UNC5C: variants seen among roughly 807,000 people sequenced by gnomAD.
The protein encoded by UNC5C is netrin receptor UNC5C.
In UNC5C, 47 loss-of-function variants were observed where a neutral mutation model predicts 99.8. That is an observed-to-expected ratio of 0.47 (90% CI 0.37 to 0.60). UNC5C has a LOEUF of 0.60. Ranked by LOEUF, UNC5C falls within the 20% of genes least tolerant of loss-of-function variation. UNC5C has a pLI of 0.00. For missense variants in UNC5C, 1,062 were observed against 1,165.9 expected, an observed-to-expected ratio of 0.91 and a Z score of 1.30; for synonymous variants, 487 against 452.2, an observed-to-expected ratio of 1.08 and a Z score of -0.98.
At position 95,520,746 on chromosome 4, in the gene UNC5C, C is replaced by T. The variant is rs755564773; in HGVS notation, c.124+27988G>A. On this transcript the variant is annotated intron_variant, in intron 1 of 15. Coordinates refer to ENST00000453304, the MANE Select transcript of UNC5C (RefSeq NM_003728.4). ...CCCGAGTAGCTGGAACTACAGGTGCCGGCCACCACGCCCAGCTAATTTTTT... is the reference window on the plus strand; with the variant it reads ...CCCGAGTAGCTGGAACTACAGGTGCTGGCCACCACGCCCAGCTAATTTTTT... Among the ~76,000 whole-genome samples the T allele has an allele frequency of 2.6e-5, 4 of 151,648 alleles. No individual in the cohort carries two copies. In the South Asian group the frequency reaches 6.3e-4, roughly 24 times the overall value.
At chr4:95,264,816 G>C (rs1246378676) in intron 4 of UNC5C, among the ~76,000 whole-genome samples, 1 of 152,148 alleles carries the variant, frequency 6.6e-6, no homozygotes, top group Non-Finnish European at 1.5e-5. Context: ...ATGGCAAACA[G>C]CTCCACTGTC....
chr4:95,367,187 C>CTT (rs34534787), intron 1 of UNC5C, among the ~76,000 whole-genome samples: 21,262 of 138,856 alleles, frequency 0.15, 1,814 homozygotes, highest in Admixed American at 0.2. Context: ...TTCTCCCATT[C>CTT]TTTTTTTTTT....
intron 7 of UNC5C, among the ~76,000 whole-genome samples, chr4:95,227,431 G>A (rs1738741690): frequency 6.6e-6 from 1 of 152,154 alleles, no homozygotes. Flanking sequence ...GGGATTACAG[G>A]TGTGAGCCAT....
At chr4:95,287,591 C>T (rs1022190368) in intron 3 of UNC5C, among the ~76,000 whole-genome samples, 3 of 152,142 alleles carry the variant, frequency 2.0e-5, no homozygotes, top group African/African-American at 7.2e-5. Context: ...TGTGTCTATA[C>T]CTAACTGACC....
At chr4:95,530,019 A>G (rs576322251) in intron 1 of UNC5C, among the ~76,000 whole-genome samples, 247 of 152,284 alleles carry the variant, frequency 1.6e-3, no homozygotes, top group African/African-American at 5.8e-3. Flanking sequence ...CAACTTGCAT[A>G]TATATTTTTA....
chr4:95,463,020 G>T, intron 1 of UNC5C, among the ~76,000 whole-genome samples: 1 of 152,148 alleles, frequency 6.6e-6, no homozygotes, highest in East Asian at 1.9e-4. Flanking sequence ...ATGACCATTT[G>T]ATCTGTTTCT....
At chr4:95,282,957 G>C (rs1329100807) in intron 3 of UNC5C, among the ~76,000 whole-genome samples, 1 of 152,124 alleles carries the variant, frequency 6.6e-6, no homozygotes, top group East Asian at 1.9e-4. Flanking sequence ...TGGTCTTGGG[G>C]AAGAATGGAC....
intron 1 of UNC5C, among the ~76,000 whole-genome samples, chr4:95,542,533 A>T (rs1722945509): frequency 1.3e-5 from 2 of 152,056 alleles, no homozygotes; most frequent in South Asian, 4.2e-4. Context: ...GTAGAAGGGG[A>T]GGTATGTTTT....
At chr4:95,491,904 G>A (rs902545975) in intron 1 of UNC5C, among the ~76,000 whole-genome samples, 14 of 151,502 alleles carry the variant, frequency 9.2e-5, no homozygotes, top group African/African-American at 3.4e-4. Context: ...TTGTTTGGGA[G>A]CATCAAGGAC....
chr4:95,395,495 C>G (rs1255251767), intron 1 of UNC5C, among the ~76,000 whole-genome samples: 7 of 152,174 alleles, frequency 4.6e-5, no homozygotes, highest in Admixed American at 4.6e-4. Context: ...TAGTGTCCTC[C>G]TCCCAGACAC....
intron 1 of UNC5C, among the ~76,000 whole-genome samples, chr4:95,341,887 G>A (rs1430598327): frequency 2.0e-5 from 3 of 152,066 alleles, no homozygotes; most frequent in Non-Finnish European, 4.4e-5. Context: ...CTTTGCATTG[G>A]AACAGAGTGC....
chr4:95,484,626 A>G lies in UNC5C; in HGVS notation c.124+64108T>C, dbSNP rs111531505. On this transcript the variant is annotated intron_variant, in intron 1 of 15. Transcript: ENST00000453304. ...TGTCAGACTGGATCCCTGAGTGACA[A>G]TAAGAAGCTCCTCTAGTATCCTTAC... Among the ~76,000 whole-genome samples, 498 of 152,000 alleles carry G rather than the reference A, an allele frequency of 3.3e-3. 2 individuals carry two copies. Among genetic ancestry groups the G allele is most frequent in the African/African-American group, 0.011 (469 of 41,530 alleles).
At chr4:95,290,083 G>A (rs192735440) in intron 3 of UNC5C, among the ~76,000 whole-genome samples, 16 of 152,120 alleles carry the variant, frequency 1.1e-4, no homozygotes, top group African/African-American at 3.9e-4. Context: ...ATTGGGGATC[G>A]CTTGAGGCCA....
At chr4:95,213,071 T>A in intron 10 of UNC5C, among the ~76,000 whole-genome samples, 1 of 152,234 alleles carries the variant, frequency 6.6e-6, no homozygotes, top group East Asian at 1.9e-4. Flanking sequence ...TATTCCTGCG[T>A]CACTCAGCTG....
chr4:95,266,056 A>G (rs184730823), intron 4 of UNC5C, among the ~76,000 whole-genome samples: 1 of 152,336 alleles, frequency 6.6e-6, no homozygotes, highest in Admixed American at 6.5e-5. Flanking sequence ...ATTAAGAAGT[A>G]CATGTACATA....
chr4:95,181,567 C>G (rs1736612975), intron 14 of UNC5C, among the ~76,000 whole-genome samples: 1 of 152,090 alleles, frequency 6.6e-6, no homozygotes, highest in African/African-American at 2.4e-5. Context: ...AAAGTGAAAA[C>G]ACCCTCCCGA....
intron 1 of UNC5C, among the ~76,000 whole-genome samples, chr4:95,425,014 C>G (rs1220960027): frequency 6.6e-6 from 1 of 152,142 alleles, no homozygotes; most frequent in Non-Finnish European, 1.5e-5. Context: ...TCTGGACTTA[C>G]ATTTTTTTTC....
chr4:95,214,664 A>G (rs1738186978), intron 10 of UNC5C, among the ~76,000 whole-genome samples: 1 of 152,200 alleles, frequency 6.6e-6, no homozygotes, highest in African/African-American at 2.4e-5. Context: ...AAAATAGGAG[A>G]GCTCAGGCAT....
In UNC5C at chr4:95,494,985, C is replaced by G. The variant is rs1043218761; in HGVS notation, c.124+53749G>C. Among the ~76,000 whole-genome samples the G allele has an allele frequency of 2.0e-5, 3 of 151,238 alleles. No homozygotes were observed. The Admixed American group carries it at 2.0e-4, about 10-fold the overall frequency. ...TATTTGGAAGTAGGATTTATTTCTC[C>G]AAATGTAACCAAAGTGATACAGTTA... is the stretch of plus-strand genomic sequence containing the variant. On this transcript the variant is annotated intron_variant, in intron 1 of 15. Transcript: ENST00000453304.
Sources: gnomAD v4.1 joint callset for allele counts (sites outside exome capture counted in the v4.1 genomes callset) on GRCh38, gnomAD v4.1.1 for gene constraint, MANE v1.5 for transcripts, NCBI Gene and HGNC (gene_info 2026-07-23, HGNC 2026-07-21) for gene names.